The following GABBR2 variants were observed in gnomAD, a reference collection of about 807,000 sequenced individuals.
GABBR2 encodes the protein gamma-aminobutyric acid type B receptor subunit 2.
Under a neutral mutation model 105.6 loss-of-function variants are expected in GABBR2, and 23 were observed. The ratio of observed to expected loss-of-function variants is 0.22; its 90% CI spans 0.16 to 0.31. The LOEUF is 0.31. Among genes scored for constraint, GABBR2 ranks in the 10% least tolerant of loss-of-function variants. GABBR2 has a pLI of 1.00. For missense variants in GABBR2, 734 were observed against 1,245.5 expected (o/e 0.59, Z 6.18); for synonymous variants, 478 against 499.7 (o/e 0.96, Z 0.58).
intron 3 of GABBR2, among the ~76,000 whole-genome samples, chr9:98,506,315 T>C (rs1588201011): frequency 6.6e-6 from 1 of 152,136 alleles, no homozygotes; most frequent in African/African-American, 2.4e-5. Context: ...AGGGAAGCAC[T>C]TGGTTTGTTT....
At chr9:98,542,143 A>C in intron 2 of GABBR2, 100 bp from the exon 3 acceptor site, 1 of 930,922 alleles carries the variant, frequency 1.1e-6, no homozygotes, top group Non-Finnish European at 1.6e-6. Context: ...TTCAACTTAG[A>C]GCATAAACAC....
At position 98,436,384 on chromosome 9, in the gene GABBR2, T is replaced by TAG. The variant is rs1170118214; in HGVS notation, c.1236+17596_1236+17597insCT. 1.7e-3 allele frequency among the ~76,000 whole-genome samples: 84 copies of TAG among 48,538 alleles called. 4 individuals carry two copies. The highest frequency in any genetic ancestry group is 8.4e-3 in the African/African-American group (79 of 9,434). The allele number at this position is 48,538 out of a possible 152,430, so 31.8% of individuals were successfully genotyped here. On this transcript the variant is annotated intron_variant, in intron 7 of 18. Coordinates refer to ENST00000259455, the MANE Select transcript of GABBR2 (RefSeq NM_005458.8). ...ATATATATATATATATATATATATA[T>TAG]ATATATATATATATATATATATAGT... is the stretch of plus-strand genomic sequence containing the variant.
rs938226815 is a variant in GABBR2, at chr9:98,306,883, C to A, written c.2005-538G>T. On this transcript the variant is annotated intron_variant, in intron 14 of 18. Coordinates refer to ENST00000259455, the MANE Select transcript of GABBR2 (RefSeq NM_005458.8). This position sits in a 1 kb window ranked among gnomAD's most constrained non-coding sequence, Gnocchi z 5.4. ...TTTTTCAGCTGCCCTAGAGGCTAGG[C>A]GTGGCATATTGCTAGCTTCTGGACA... 2.6e-5 allele frequency among the ~76,000 whole-genome samples: 4 copies of A among 152,168 alleles called. No individual in the cohort carries two copies. Among genetic ancestry groups the A allele is most frequent in the Non-Finnish European group, 4.4e-5 (3 of 68,028 alleles).
chr9:98,451,213 G>C (rs889565379), intron 7 of GABBR2, among the ~76,000 whole-genome samples: 2 of 152,186 alleles, frequency 1.3e-5, no homozygotes, highest in Non-Finnish European at 2.9e-5. Flanking sequence ...TGCAGGAAGA[G>C]GGGGCTGAAC....
At chr9:98,417,105 C>G (rs1034324011) in intron 7 of GABBR2, among the ~76,000 whole-genome samples, 11 of 152,210 alleles carry the variant, frequency 7.2e-5, no homozygotes, top group Admixed American at 2.0e-4. Context: ...CAGGAAAGTG[C>G]TCTTTCCTCT....
At chr9:98,591,343 G>A (rs1829142072) in intron 1 of GABBR2, among the ~76,000 whole-genome samples, 1 of 152,200 alleles carries the variant, frequency 6.6e-6, no homozygotes, top group African/African-American at 2.4e-5. Context: ...GAGAAGGGAT[G>A]GGTGGGTTCG....
At chr9:98,510,269 A>G (rs898907761) in intron 3 of GABBR2, among the ~76,000 whole-genome samples, 2 of 152,240 alleles carry the variant, frequency 1.3e-5, no homozygotes, top group African/African-American at 4.8e-5. Context: ...TCCTGAAGGA[A>G]GCACTAAACA....
Position 98,288,580 on chromosome 9 carries a change from C to CTCTT in GABBR2, c.*2000_*2003dup. The CTCTT allele has an allele frequency of 6.6e-6, 1 of 152,510 alleles. No individual in the cohort carries two copies. The highest frequency in any genetic ancestry group is 2.1e-4 in the South Asian group (1 of 4,806). 9.4% of individuals were successfully genotyped at this position (152,510 alleles called of 1,614,324 possible). The stretch of plus-strand genomic sequence containing the variant: ...GTATACATTATGTACAATTAATTGT[C>CTCTT]TCTTTCCCTTTGAAAAATTAATGTG... On this transcript the variant is annotated 3_prime_UTR_variant, in exon 19 of 19. Transcript: ENST00000259455.
At chr9:98,627,711 C>T (rs1829759678) in intron 1 of GABBR2, among the ~76,000 whole-genome samples, 1 of 152,236 alleles carries the variant, frequency 6.6e-6, no homozygotes, top group South Asian at 2.1e-4. Flanking sequence ...TCTGTGAAGC[C>T]CTATGGCCAT....
chr9:98,523,120 T>C (rs1461082325), intron 3 of GABBR2, among the ~76,000 whole-genome samples: 1 of 152,142 alleles, frequency 6.6e-6, no homozygotes, highest in Non-Finnish European at 1.5e-5. Flanking sequence ...TCAAAGACAT[T>C]TATATGCTTA....
intron 13 of GABBR2, among the ~76,000 whole-genome samples, chr9:98,320,463 C>T (rs957748230): frequency 6.6e-6 from 1 of 152,026 alleles, no homozygotes; most frequent in African/African-American, 2.4e-5. Flanking sequence ...TTTGACCCAG[C>T]CATCCCATTA....
At chr9:98,494,869 G>A (rs1240066461) in intron 4 of GABBR2, among the ~76,000 whole-genome samples, 2 of 152,202 alleles carry the variant, frequency 1.3e-5, no homozygotes, top group African/African-American at 2.4e-5. Flanking sequence ...TGCACACAAA[G>A]GTTCTTTAAA....
chr9:98,677,322 A>T (rs904918016), intron 1 of GABBR2, among the ~76,000 whole-genome samples: 1 of 152,230 alleles, frequency 6.6e-6, no homozygotes, highest in Non-Finnish European at 1.5e-5. Flanking sequence ...TGATCCAGAC[A>T]GCAATCAAGT....
intron 7 of GABBR2, among the ~76,000 whole-genome samples, chr9:98,428,652 C>T (rs1020603359): frequency 3.9e-5 from 6 of 152,214 alleles, no homozygotes; most frequent in East Asian, 3.8e-4. Context: ...TCAATACAGA[C>T]TATTCTAGCT....
intron 1 of GABBR2, among the ~76,000 whole-genome samples, chr9:98,593,885 T>C (rs1829186114): frequency 6.6e-6 from 1 of 152,196 alleles, no homozygotes; most frequent in Non-Finnish European, 1.5e-5. Context: ...GTCCTCCAGC[T>C]GGGGACATGG....
chr9:98,372,736 T>A (rs1393431070), intron 11 of GABBR2, among the ~76,000 whole-genome samples: 1 of 152,260 alleles, frequency 6.6e-6, no homozygotes, highest in Non-Finnish European at 1.5e-5. Context: ...AGATTCATTC[T>A]GCTCCTGCCT....
intron 3 of GABBR2, among the ~76,000 whole-genome samples, chr9:98,532,653 TCA>T (rs1381261901): frequency 6.6e-6 from 1 of 152,164 alleles, no homozygotes; most frequent in Non-Finnish European, 1.5e-5. Context: ...GCAGTGGTTC[TCA>T]CACTCTAGCT....
chr9:98,419,335 A>C (rs1832742188), intron 7 of GABBR2, among the ~76,000 whole-genome samples: 1 of 152,218 alleles, frequency 6.6e-6, no homozygotes, highest in African/African-American at 2.4e-5. Flanking sequence ...GTAAGGAGAT[A>C]AAGTTGATAT....
chr9:98,425,357 A>G (rs559508154), intron 7 of GABBR2, among the ~76,000 whole-genome samples: 40 of 152,326 alleles, frequency 2.6e-4, no homozygotes, highest in Non-Finnish European at 4.9e-4. Context: ...GTAAAATTGA[A>G]CCTAGACTTT....
Sources: allele counts gnomAD v4.1 joint callset (sites outside exome capture counted in the v4.1 genomes callset), GRCh38; gene constraint gnomAD v4.1.1; non-coding constraint Gnocchi (gnomAD v3.1); transcripts MANE v1.5; gene names NCBI Gene and HGNC (gene_info 2026-07-23, HGNC 2026-07-21).